Variants in NOL4 observed in about 807,000 individuals in gnomAD.
The protein encoded by NOL4 is cancer/testis antigen 125.
In NOL4, 17 loss-of-function variants were observed where a neutral mutation model predicts 75.9. The observed-to-expected ratio is 0.22, with a 90% confidence interval of 0.15 to 0.34. The LOEUF (loss-of-function observed/expected upper bound fraction) is 0.34. NOL4 is among the 10% of genes least tolerant of loss of function. The probability of loss-of-function intolerance (pLI) is 1.00; values close to 1 mark genes in which losing one functional copy is unlikely to be tolerated. For missense variants in NOL4, 614 were observed against 793.5 expected, an observed-to-expected ratio of 0.77 and a Z score of 2.72; for synonymous variants, 292 against 289.9, an observed-to-expected ratio of 1.01 and a Z score of -0.07.
At chr18:34,004,774 G>A (rs2146266191) in intron 6 of NOL4, among the ~76,000 whole-genome samples, 1 of 152,096 alleles carries the variant, frequency 6.6e-6, no homozygotes, top group East Asian at 1.9e-4. Flanking sequence ...ACATTTTCAG[G>A]AAAATCTTCC....
intron 6 of NOL4, among the ~76,000 whole-genome samples, chr18:34,004,102 T>C (rs2073896780): frequency 6.6e-6 from 1 of 152,048 alleles, no homozygotes; most frequent in South Asian, 2.1e-4. Flanking sequence ...TGATTCCAGG[T>C]CTTTAGATAA....
At chr18:33,953,692 A>T (rs2069417624) in intron 8 of NOL4, among the ~76,000 whole-genome samples, 1 of 152,134 alleles carries the variant, frequency 6.6e-6, no homozygotes, top group African/African-American at 2.4e-5. Context: ...ATCAGTGGAG[A>T]AAATAGGTGC....
chr18:33,924,734 G>A (rs1030957535), intron 9 of NOL4, among the ~76,000 whole-genome samples: 5 of 152,120 alleles, frequency 3.3e-5, no homozygotes, highest in Non-Finnish European at 7.4e-5. Context: ...CAATGTTAGC[G>A]GGGAATATAA....
intron 9 of NOL4, among the ~76,000 whole-genome samples, chr18:33,914,784 T>C (rs1269943910): frequency 2.6e-5 from 4 of 152,086 alleles, no homozygotes; most frequent in Non-Finnish European, 5.9e-5. Context: ...TTAACTGGGT[T>C]GGGGTTGATA....
intron 1 of NOL4, among the ~76,000 whole-genome samples, chr18:34,181,679 C>A (rs933229991): frequency 2.6e-4 from 39 of 151,318 alleles, no homozygotes; most frequent in African/African-American, 9.4e-4. Flanking sequence ...TGAGAAGGGT[C>A]TAATTCTAGA....
At chr18:34,059,366 T>C (rs1160528067) in intron 5 of NOL4, among the ~76,000 whole-genome samples, 1 of 152,018 alleles carries the variant, frequency 6.6e-6, no homozygotes, top group Non-Finnish European at 1.5e-5. Flanking sequence ...CACTCTCTTC[T>C]GATGCCATGT....
At chr18:33,876,438 C>T (rs2063936224) in intron 10 of NOL4, among the ~76,000 whole-genome samples, 1 of 152,066 alleles carries the variant, frequency 6.6e-6, no homozygotes, top group African/African-American at 2.4e-5. Flanking sequence ...CCCTTCCACA[C>T]ATTTCAGATC....
chr18:33,937,640 G>T (rs576739540), intron 9 of NOL4, among the ~76,000 whole-genome samples: 1 of 152,124 alleles, frequency 6.6e-6, no homozygotes, highest in South Asian at 2.1e-4. Flanking sequence ...CTCTCTAGTT[G>T]GGCAAAGAGG....
At chr18:33,994,333 T>C (rs1230052582) in intron 6 of NOL4, among the ~76,000 whole-genome samples, 1 of 151,734 alleles carries the variant, frequency 6.6e-6, no homozygotes, top group Non-Finnish European at 1.5e-5. Context: ...TAGAACATTC[T>C]ACCCAACAAC....
intron 1 of NOL4, chr18:34,221,007 T>A (rs1043749512): frequency 6.6e-6 from 1 of 152,194 alleles, no homozygotes; most frequent in African/African-American, 2.4e-5. Flanking sequence ...CTGACATTTA[T>A]GATGATCTTA....
At chr18:33,928,918 T>C (rs2067508726) in intron 9 of NOL4, among the ~76,000 whole-genome samples, 1 of 152,178 alleles carries the variant, frequency 6.6e-6, no homozygotes, top group African/African-American at 2.4e-5. Context: ...CCTGTAACCA[T>C]AAGATTATTT....
chr18:34,153,225 A>C (rs1449869946), intron 1 of NOL4, among the ~76,000 whole-genome samples: 1 of 151,898 alleles, frequency 6.6e-6, no homozygotes, highest in Non-Finnish European at 1.5e-5. Context: ...ATTTATATTA[A>C]CATTACACTA....
At chr18:34,095,142 G>A (rs2078712424) in intron 4 of NOL4, among the ~76,000 whole-genome samples, 2 of 152,024 alleles carry the variant, frequency 1.3e-5, no homozygotes, top group Admixed American at 1.3e-4. Context: ...AAGTCAGTAA[G>A]GAAATGCCAC....
At chr18:33,878,531 T>C (rs557550248) in intron 10 of NOL4, among the ~76,000 whole-genome samples, 2 of 152,200 alleles carry the variant, frequency 1.3e-5, no homozygotes, top group South Asian at 4.1e-4. Flanking sequence ...AGAGGCTTGA[T>C]GTTTTCATTT....
intron 5 of NOL4, among the ~76,000 whole-genome samples, chr18:34,060,999 A>AT (rs2077044704): frequency 6.6e-6 from 1 of 152,126 alleles, no homozygotes; most frequent in Non-Finnish European, 1.5e-5. Context: ...GACATTCAGC[A>AT]TTTTTTCTTC....
At chr18:33,860,466 T>G (rs1487553773) in intron 10 of NOL4, among the ~76,000 whole-genome samples, 5 of 152,164 alleles carry the variant, frequency 3.3e-5, no homozygotes, top group Admixed American at 3.3e-4. Flanking sequence ...TTGTTACTTT[T>G]GCACAAATGT....
intron 9 of NOL4, among the ~76,000 whole-genome samples, chr18:33,886,771 C>CTA (rs138280712): frequency 2.5e-4 from 34 of 137,418 alleles, no homozygotes; most frequent in South Asian, 6.6e-4. Context: ...ATAGATATAT[C>CTA]TATATATATA....
chr18:33,965,605 C>T (rs1330730662), intron 6 of NOL4, among the ~76,000 whole-genome samples: 1 of 152,136 alleles, frequency 6.6e-6, no homozygotes, highest in Non-Finnish European at 1.5e-5. Context: ...GGAGGTTTTC[C>T]TCATGCTGTT....
chr18:34,027,962 T>C (rs2075430303), intron 5 of NOL4, among the ~76,000 whole-genome samples: 1 of 152,182 alleles, frequency 6.6e-6, no homozygotes, highest in African/African-American at 2.4e-5. Flanking sequence ...TCATTTAAAC[T>C]GTTTCTGTCA....
Sources: gnomAD v4.1 joint callset for allele counts (sites outside exome capture counted in the v4.1 genomes callset) on GRCh38, gnomAD v4.1.1 for gene constraint, MANE v1.5 for transcripts, NCBI Gene and HGNC (gene_info 2026-07-23, HGNC 2026-07-21) for gene names.